Variants in OTOGL observed in about 807,000 individuals in gnomAD.
The protein encoded by OTOGL is otogelin like, also known as otogelin-like protein.
Under a neutral mutation model 318.5 loss-of-function variants are expected in OTOGL, and 285 were observed. The observed-to-expected ratio is 0.89, with a 90% CI of 0.81 to 0.99. The LOEUF (loss-of-function observed/expected upper bound fraction) is 0.99. Among genes scored for constraint, OTOGL ranks in the 50% least tolerant of loss-of-function variants. The pLI, the probability that OTOGL is intolerant of heterozygous loss-of-function variation, is 0.00. For synonymous variants in OTOGL, 987 were observed against 936.5 expected (o/e 1.05, Z -0.99); for missense variants, 2,899 against 2,845.6 (o/e 1.02, Z -0.43).
At chr12:80,355,224 C>CTTTTTTTTTTTTTTTTTTTTTTTTTT (rs11343611) in intron 46 of OTOGL, among the ~76,000 whole-genome samples, 2 of 65,598 alleles carry the variant, frequency 3.0e-5, no homozygotes, top group South Asian at 5.6e-4. Context: ...TTCTTTCTTT[C>CTTTTTTTTTTTTTTTTTTTTTTTTTT]TTTTCTTTTT....
At chr12:80,348,672 G>C (rs186824851) in intron 44 of OTOGL, among the ~76,000 whole-genome samples, 10 of 152,136 alleles carry the variant, frequency 6.6e-5, no homozygotes, top group Non-Finnish European at 1.5e-4. Flanking sequence ...TCTTACCAGG[G>C]CTGTCAATGT....
intron 56 of OTOGL, among the ~76,000 whole-genome samples, chr12:80,371,604 GAAAA>G (rs1009804695): frequency 3.3e-5 from 5 of 151,942 alleles, no homozygotes; most frequent in Admixed American, 3.3e-4. Context: ...AACTATCAAA[GAAAA>G]AGATGTACAA....
At chr12:80,329,633 C>G (rs2034529) in intron 37 of OTOGL, among the ~76,000 whole-genome samples, 151,743 of 152,362 alleles carry the variant, frequency 1, 75,568 homozygotes, top group Non-Finnish European at 1. Context: ...TGGGCTCCTA[C>G]CCTTGCTTTC....
At chr12:80,124,445 G>C (rs1414362446) in intron 1 of OTOGL, among the ~76,000 whole-genome samples, 3 of 152,290 alleles carry the variant, frequency 2.0e-5, no homozygotes, top group East Asian at 1.9e-4. Context: ...CTGTAGCCTT[G>C]TAGTATGGTT....
intron 35 of OTOGL, among the ~76,000 whole-genome samples, chr12:80,325,201 C>T (rs1887601542): frequency 6.6e-6 from 1 of 151,868 alleles, no homozygotes; most frequent in South Asian, 2.1e-4. Context: ...GATCCAGCCC[C>T]TCTGTAAGAT....
chr12:80,378,139 C>A lies in OTOGL; in HGVS notation c.*91C>A. The A allele has an allele frequency of 1.0e-6, 1 of 973,648 alleles. No homozygotes were observed. The highest frequency in any genetic ancestry group is 1.6e-5 in the African/African-American group (1 of 61,508). The allele number at this position is 973,648 out of a possible 1,614,324, so 60.3% of individuals were successfully genotyped here. A position where few individuals can be genotyped will look rare whatever the true frequency, so the allele number is the denominator to read the frequency against. On this transcript the variant is annotated 3_prime_UTR_variant, in exon 59 of 59. Transcript: ENST00000547103. Reference sequence around the variant, plus strand: ...TACTTAGGCATGTGGCAGATTTATGCTGTTTAACAATACTGTATTTTTCAG... The same window carrying A: ...TACTTAGGCATGTGGCAGATTTATGATGTTTAACAATACTGTATTTTTCAG...
At chr12:80,325,263 A>G (rs1383052803) in intron 35 of OTOGL, among the ~76,000 whole-genome samples, 2 of 152,200 alleles carry the variant, frequency 1.3e-5, no homozygotes, top group Non-Finnish European at 2.9e-5. Flanking sequence ...GCCCCTCTGT[A>G]AGATCCAGCC....
At chr12:80,203,415 TATCTGTA>T (rs1358524534) in intron 1 of OTOGL, among the ~76,000 whole-genome samples, 7 of 152,116 alleles carry the variant, frequency 4.6e-5, no homozygotes, top group Non-Finnish European at 8.8e-5. Context: ...TCCTTAATCA[TATCTGTA>T]AAGGCTGTTT....
At chr12:80,367,493 G>A (rs1293241571) in intron 53 of OTOGL, 68 bp from the exon 54 acceptor site, 2 of 1,212,942 alleles carry the variant, frequency 1.6e-6, no homozygotes, top group African/African-American at 3.2e-5. Flanking sequence ...TCAAATATAA[G>A]TTCCAACGAT....
chr12:80,181,985 G>A (rs1315479500), intron 1 of OTOGL, among the ~76,000 whole-genome samples: 1 of 151,970 alleles, frequency 6.6e-6, no homozygotes, highest in Non-Finnish European at 1.5e-5. Flanking sequence ...GCAACATAGT[G>A]AAACATTGCC....
intron 11 of OTOGL, among the ~76,000 whole-genome samples, chr12:80,241,153 G>T (rs546900636): frequency 6.6e-6 from 1 of 152,048 alleles, no homozygotes; most frequent in Non-Finnish European, 1.5e-5. Flanking sequence ...GTATGAAATT[G>T]TGTTGTTTAT....
intron 1 of OTOGL, among the ~76,000 whole-genome samples, chr12:80,140,123 C>G (rs889308725): frequency 1.3e-5 from 2 of 152,146 alleles, no homozygotes; most frequent in South Asian, 4.1e-4. Flanking sequence ...CTCCCCTTTA[C>G]TTTGTTCTCT....
At chr12:80,376,267 A>T (rs1043868613) in intron 57 of OTOGL, among the ~76,000 whole-genome samples, 1 of 152,074 alleles carries the variant, frequency 6.6e-6, no homozygotes, top group Non-Finnish European at 1.5e-5. Context: ...ACATGTTGAG[A>T]TTGTTTTAAA....
rs1019825573 is a variant in OTOGL, at chr12:80,252,111, T to C, written c.1195T>C (p.Cys399Arg). 6.4e-6 allele frequency: 10 copies of C among 1,559,492 alleles called. No individual in the cohort carries two copies. The highest frequency in any genetic ancestry group is 3.5e-6 in the Non-Finnish European group (4 of 1,150,156). ...KCDDSFVHRD[C>R]ISCCPPTCTF... is the part of the protein sequence containing the mutation. Reference sequence around the variant, plus strand: ...TGATGATAGCTTTGTCCATCGGGACTGTATCAGTTGTTGTCCACCAACCTG... The same window carrying C: ...TGATGATAGCTTTGTCCATCGGGACCGTATCAGTTGTTGTCCACCAACCTG... Residue 399 changes from cysteine (C) to arginine (R), a missense_variant, in exon 13 of 59, where the codon TGT becomes CGT. Coordinates refer to ENST00000547103, the MANE Select transcript of OTOGL (RefSeq NM_001378609.3).
intron 13 of OTOGL, among the ~76,000 whole-genome samples, chr12:80,252,740 A>G (rs1881684362): frequency 6.6e-6 from 1 of 152,168 alleles, no homozygotes; most frequent in Non-Finnish European, 1.5e-5. Context: ...TGATTTTCCC[A>G]ATATCCTCAT....
intron 1 of OTOGL, chr12:80,208,106 T>C (rs1876949633): frequency 4.3e-6 from 2 of 460,476 alleles, no homozygotes; most frequent in East Asian, 6.6e-5. Flanking sequence ...ATAACTACTT[T>C]ATAATTTTAG....
At chr12:80,231,528 A>C (rs1372074463) in intron 8 of OTOGL, among the ~76,000 whole-genome samples, 1 of 152,102 alleles carries the variant, frequency 6.6e-6, no homozygotes, top group African/African-American at 2.4e-5. Context: ...GAACTCACTA[A>C]TTTGCAATTT....
chr12:80,371,081 A>G (rs183806821), intron 56 of OTOGL, among the ~76,000 whole-genome samples: 21 of 152,182 alleles, frequency 1.4e-4, no homozygotes, highest in Non-Finnish European at 2.6e-4. Context: ...GCTGGCCTGT[A>G]TGATGTTTGC....
At chr12:80,145,597 A>C (rs1447662252) in intron 1 of OTOGL, among the ~76,000 whole-genome samples, 2 of 152,126 alleles carry the variant, frequency 1.3e-5, no homozygotes, top group African/African-American at 4.8e-5. Context: ...CCGTGAAGAA[A>C]GGCATTGGTA....
Sources: gnomAD v4.1 joint callset for allele counts (sites outside exome capture counted in the v4.1 genomes callset) on GRCh38, gnomAD v4.1.1 for gene constraint, MANE v1.5 for transcripts, NCBI Gene and HGNC (gene_info 2026-07-23, HGNC 2026-07-21) for gene names.